Variants in TSHZ3 observed in about 807,000 individuals in gnomAD.
TSHZ3 encodes teashirt homolog 3.
Under a neutral mutation model 64.5 loss-of-function variants are expected in TSHZ3, and 10 were observed. The ratio of observed to expected loss-of-function variants is 0.16; its 90% confidence interval spans 0.10 to 0.26. TSHZ3 has a LOEUF of 0.26. Ranked by LOEUF, TSHZ3 falls within the 10% of genes least tolerant of loss-of-function variation. TSHZ3 has a pLI of 1.00. For missense variants in TSHZ3, 1,242 were observed against 1,421.7 expected (o/e 0.87, Z 2.03); for synonymous variants, 608 against 593.1 (o/e 1.03, Z -0.36).
intron 1 of TSHZ3, among the ~76,000 whole-genome samples, chr19:31,313,040 G>A (rs1916503504): frequency 6.6e-6 from 1 of 152,110 alleles, no homozygotes; most frequent in South Asian, 2.1e-4. Context: ...TAAACAGTAA[G>A]TTCAGGCAGT....
chr19:31,282,328 G>T (rs1336939588), intron 1 of TSHZ3, among the ~76,000 whole-genome samples: 1 of 152,084 alleles, frequency 6.6e-6, no homozygotes, highest in Non-Finnish European at 1.5e-5. Flanking sequence ...CACACCCTGG[G>T]GATTTTGCTC....
At chr19:31,162,891 C>G (rs946970341) in intron 5 of TSHZ3, among the ~76,000 whole-genome samples, 1 of 152,098 alleles carries the variant, frequency 6.6e-6, no homozygotes, top group Non-Finnish European at 1.5e-5. Flanking sequence ...TGGAATAATT[C>G]CAGTTCTTAG....
intron 5 of TSHZ3, among the ~76,000 whole-genome samples, chr19:31,176,571 A>C (rs977890954): frequency 6.6e-6 from 1 of 152,138 alleles, no homozygotes; most frequent in Non-Finnish European, 1.5e-5. Context: ...AGTGGGGAGG[A>C]TCTTTTGAAG....
At chr19:31,340,871 C>G (rs1917412626) in intron 1 of TSHZ3, among the ~76,000 whole-genome samples, 1 of 152,240 alleles carries the variant, frequency 6.6e-6, no homozygotes, top group African/African-American at 2.4e-5. Flanking sequence ...CCAGCTAAAG[C>G]TGGCAGCAAG....
chr19:31,244,014 C>A (rs1975729124), intron 1 of TSHZ3, among the ~76,000 whole-genome samples: 1 of 152,130 alleles, frequency 6.6e-6, no homozygotes, highest in South Asian at 2.1e-4. Context: ...GGATTTCTCT[C>A]CATTTTTAGG....
At chr19:31,233,734 C>T (rs1249748340) in intron 3 of TSHZ3, among the ~76,000 whole-genome samples, 1 of 152,090 alleles carries the variant, frequency 6.6e-6, no homozygotes, top group East Asian at 1.9e-4. Context: ...GAACCTACGA[C>T]TCATTTCAAA....
At chr19:31,170,445 T>C (rs994287344) in intron 5 of TSHZ3, among the ~76,000 whole-genome samples, 1 of 152,116 alleles carries the variant, frequency 6.6e-6, no homozygotes, top group Non-Finnish European at 1.5e-5. Flanking sequence ...CCTCAACATA[T>C]GATTTGGGGG....
downstream of TSHZ3, among the ~76,000 whole-genome samples, chr19:31,273,218 C>T (rs954007496): frequency 7.9e-5 from 12 of 152,152 alleles, no homozygotes; most frequent in African/African-American, 2.9e-4. Context: ...TATTGTGCCA[C>T]GTGAGGTTTG....
intron 1 of TSHZ3, among the ~76,000 whole-genome samples, chr19:31,325,723 G>A (rs192072882): frequency 2.6e-5 from 4 of 152,312 alleles, no homozygotes; most frequent in Admixed American, 1.3e-4. Context: ...ATACAAAGGC[G>A]TGTGCAGAAG....
intron 5 of TSHZ3, among the ~76,000 whole-genome samples, chr19:31,185,104 CA>C (rs112596078): frequency 6.1e-5 from 9 of 146,888 alleles, no homozygotes; most frequent in South Asian, 2.2e-4. Context: ...GAAACAACAA[CA>C]AAAAAAAAAA....
At chr19:31,163,747 A>C (rs1157298764) in intron 5 of TSHZ3, among the ~76,000 whole-genome samples, 1 of 152,140 alleles carries the variant, frequency 6.6e-6, no homozygotes, top group East Asian at 1.9e-4. Context: ...AACAAAGAAC[A>C]AGAAAGATGA....
At chr19:31,169,920 T>G (rs1440068867) in intron 5 of TSHZ3, among the ~76,000 whole-genome samples, 1 of 152,220 alleles carries the variant, frequency 6.6e-6, no homozygotes, top group East Asian at 1.9e-4. Flanking sequence ...GGGAGAAGTC[T>G]GCTGACAAAC....
At chr19:31,177,020 T>G (rs1409894378) in intron 5 of TSHZ3, among the ~76,000 whole-genome samples, 1 of 152,146 alleles carries the variant, frequency 6.6e-6, no homozygotes, top group Admixed American at 6.5e-5. Flanking sequence ...CTCGTAAGAA[T>G]GTACCTGGCA....
Position 31,276,212 on chromosome 19 carries a change from A to G in TSHZ3, c.*335T>C. 1 of 193,878 alleles carries G rather than the reference A, an allele frequency of 5.2e-6. No individual in the cohort carries two copies. The allele number at this position is 193,878 out of a possible 1,614,324, so 12.0% of individuals were successfully genotyped here. A position where few individuals can be genotyped will look rare whatever the true frequency, so the allele number is the denominator to read the frequency against. On this transcript the variant is annotated 3_prime_UTR_variant, in exon 2 of 2. Coordinates refer to ENST00000240587, the MANE Select transcript of TSHZ3 (RefSeq NM_020856.4). Reference sequence around the variant, plus strand: ...TGCCAGCACACTCGAGTCTCGTGGAAAAGGTGTGCCTGATTCCGTTATAAA... The same window carrying G: ...TGCCAGCACACTCGAGTCTCGTGGAGAAGGTGTGCCTGATTCCGTTATAAA...
intron 5 of TSHZ3, among the ~76,000 whole-genome samples, chr19:31,197,234 G>A (rs1026489889): frequency 1.5e-4 from 23 of 151,764 alleles, no homozygotes; most frequent in African/African-American, 5.5e-4. Flanking sequence ...AATATCAAGA[G>A]AAATTTAAAA....
intron 4 of TSHZ3, among the ~76,000 whole-genome samples, chr19:31,222,762 T>A (rs537462700): frequency 6.6e-6 from 1 of 152,194 alleles, no homozygotes; most frequent in East Asian, 2.0e-4. Context: ...CCTTGGTAAG[T>A]CCATTAGCTT....
At chr19:31,152,932 A>G (rs1038612426) in intron 6 of TSHZ3, among the ~76,000 whole-genome samples, 1 of 152,236 alleles carries the variant, frequency 6.6e-6, no homozygotes, top group Non-Finnish European at 1.5e-5. Context: ...AAGTATTCAG[A>G]TGGATATTTT....
chr19:31,335,153 A>AT (rs1917208262), intron 1 of TSHZ3, among the ~76,000 whole-genome samples: 1 of 152,172 alleles, frequency 6.6e-6, no homozygotes, highest in African/African-American at 2.4e-5. Context: ...AAAGGTTGAC[A>AT]TTTTTTATAT....
intron 5 of TSHZ3, among the ~76,000 whole-genome samples, chr19:31,198,411 A>G (rs1975023467): frequency 6.6e-6 from 1 of 152,190 alleles, no homozygotes. Context: ...CATTATTTTC[A>G]ACATCATACT....
Sources: allele counts gnomAD v4.1 joint callset (sites outside exome capture counted in the v4.1 genomes callset), GRCh38; gene constraint gnomAD v4.1.1; transcripts MANE v1.5; gene names NCBI Gene and HGNC (gene_info 2026-07-23, HGNC 2026-07-21).